The following GATAD2B variants were observed in gnomAD, a reference collection of about 807,000 sequenced individuals.
The protein encoded by GATAD2B is GATA zinc finger domain containing 2B, also known as transcriptional repressor p66-beta.
Under a neutral mutation model 64.3 loss-of-function variants are expected in GATAD2B, and 8 were observed. That is an observed-to-expected ratio of 0.12 (90% CI 0.07 to 0.22). The LOEUF (loss-of-function observed/expected upper bound fraction) is 0.22, where lower values mean the gene tolerates loss of function less well. GATAD2B is among the 10% of genes least tolerant of loss of function. The probability of loss-of-function intolerance (pLI) is 1.00; values close to 1 mark genes in which losing one functional copy is unlikely to be tolerated. For synonymous variants in GATAD2B, 281 were observed against 271.3 expected (o/e 1.04, Z -0.35); for missense variants, 453 against 752.0 (o/e 0.60, Z 4.65).
chr1:153,809,034 T>C lies in GATAD2B; in HGVS notation c.*1143A>G, dbSNP rs1378937409. 6.6e-6 allele frequency: 1 copy of C among 152,136 alleles called. No homozygotes were observed. Among genetic ancestry groups the C allele is most frequent in the Non-Finnish European group, 1.5e-5 (1 of 68,026 alleles). 9.4% of individuals were successfully genotyped at this position (152,136 alleles called of 1,614,324 possible). A position where few individuals can be genotyped will look rare whatever the true frequency, so the allele number is the denominator to read the frequency against. ...CAGAGGGTGAAAGAATAGGCAAATA[T>C]GCGAATCTCAACTGTTGGAAGAGAA... On this transcript the variant is annotated 3_prime_UTR_variant, in exon 11 of 11. Transcript: ENST00000368655.
At position 153,828,323 on chromosome 1, in the gene GATAD2B, G is replaced by A. The variant is rs1370837059; in HGVS notation, c.25C>T (p.Leu9Phe). 2 of 1,610,850 alleles carry A rather than the reference G, an allele frequency of 1.2e-6. No homozygotes were observed. Among genetic ancestry groups the A allele is most frequent in the African/African-American group, 2.7e-5 (2 of 74,928 alleles). The change falls in exon 2 of 11, where the codon CTT becomes TTT. Residue 9 changes from leucine (L) to phenylalanine (F), a missense_variant. Leu to Phe is a conservative substitution (Grantham distance 22). This residue lies in a region of GATAD2B where 293 missense variants were observed against 417.2 expected (regional missense o/e 0.70). Coordinates refer to ENST00000368655, the MANE Select transcript of GATAD2B (RefSeq NM_020699.4). The stretch of plus-strand genomic sequence containing the variant: ...CTCCGCTTCAACAGATTCAAGCGAA[G>A]AGCATCTTCTGTCATTCTATCCATC... MDRMTEDA[L>F]RLNLLKRSLD... is the part of the protein sequence containing the mutation.
intron 2 of GATAD2B, among the ~76,000 whole-genome samples, chr1:153,821,166 A>T (rs1674671846): frequency 6.6e-6 from 1 of 151,254 alleles, no homozygotes; most frequent in African/African-American, 2.4e-5. Flanking sequence ...TTTTTTTGTA[A>T]GGGGTGGGGG....
chr1:153,850,933 GTTTT>G (rs552346925), intron 1 of GATAD2B, among the ~76,000 whole-genome samples: 9 of 150,340 alleles, frequency 6.0e-5, no homozygotes, highest in African/African-American at 1.2e-4. Context: ...AAAAAAAAAA[GTTTT>G]TTTTTGTTTT....
intron 2 of GATAD2B, among the ~76,000 whole-genome samples, chr1:153,823,776 G>A (rs575125640): frequency 6.6e-6 from 1 of 151,550 alleles, no homozygotes; most frequent in Non-Finnish European, 1.5e-5. Flanking sequence ...TGTCACCCAG[G>A]CTGGAGTGCA....
chr1:153,874,172 G>A (rs1382999997), intron 1 of GATAD2B, among the ~76,000 whole-genome samples: 1 of 151,570 alleles, frequency 6.6e-6, no homozygotes, highest in Non-Finnish European at 1.5e-5. Flanking sequence ...TGAGGCAGGA[G>A]AATCGCTTGA....
chr1:153,905,553 GAAAAAAAAAAAAAA>G (rs769120730), intron 1 of GATAD2B, among the ~76,000 whole-genome samples: 1 of 64,670 alleles, frequency 1.5e-5, no homozygotes, highest in East Asian at 4.6e-4. Flanking sequence ...AACAATTTTG[GAAAAAAAAAAAAAA>G]AAAAAAAAGA....
At chr1:153,890,758 C>A (rs987389192) in intron 1 of GATAD2B, 3 of 152,204 alleles carry the variant, frequency 2.0e-5, no homozygotes, top group Non-Finnish European at 4.4e-5. Context: ...ATTACAGTGA[C>A]AATAACTGTA....
At chr1:153,922,499 TGAA>T (rs1274376907) in intron 1 of GATAD2B, among the ~76,000 whole-genome samples, 5 of 102,146 alleles carry the variant, frequency 4.9e-5, no homozygotes, top group East Asian at 3.5e-4. Flanking sequence ...GAGGATGAGG[TGAA>T]GAAGGAGCGC....
At chr1:153,891,326 G>C (rs1350570655) in intron 1 of GATAD2B, among the ~76,000 whole-genome samples, 1 of 151,770 alleles carries the variant, frequency 6.6e-6, no homozygotes, top group African/African-American at 2.4e-5. Flanking sequence ...CCAGCATTTT[G>C]GGAGGCCAAG....
At chr1:153,909,794 A>AC (rs1306062111) in intron 1 of GATAD2B, among the ~76,000 whole-genome samples, 1 of 151,202 alleles carries the variant, frequency 6.6e-6, no homozygotes, top group East Asian at 1.9e-4. Flanking sequence ...AAAAAAAAAA[A>AC]AAAATTAGCT....
intron 1 of GATAD2B, among the ~76,000 whole-genome samples, chr1:153,917,207 T>TC (rs1206464203): frequency 1.4e-5 from 2 of 147,120 alleles, no homozygotes; most frequent in African/African-American, 2.5e-5. Flanking sequence ...CAAGCAATTC[T>TC]CTGCCTCAGC....
intron 10 of GATAD2B, 199 bp downstream of exon 10, chr1:153,811,532 C>A (rs1674292693): frequency 3.1e-6 from 2 of 647,790 alleles, no homozygotes; most frequent in Non-Finnish European, 2.7e-6. Flanking sequence ...GTCATTTTCA[C>A]CACCAAAACC....
chr1:153,862,758 CTT>C (rs1676354072), intron 1 of GATAD2B, among the ~76,000 whole-genome samples: 1 of 126,726 alleles, frequency 7.9e-6, no homozygotes, highest in Non-Finnish European at 1.6e-5. Flanking sequence ...GAGTTTTGCT[CTT>C]GTTGCCCAGG....
At chr1:153,837,951 T>C (rs1006992225) in intron 1 of GATAD2B, among the ~76,000 whole-genome samples, 3 of 152,234 alleles carry the variant, frequency 2.0e-5, no homozygotes, top group African/African-American at 7.2e-5. Context: ...AAACATGCTA[T>C]TGGACACTTT....
intron 1 of GATAD2B, among the ~76,000 whole-genome samples, chr1:153,908,688 G>C (rs1678022339): frequency 6.8e-6 from 1 of 146,644 alleles, no homozygotes; most frequent in Non-Finnish European, 1.5e-5. Context: ...GGCTGGTCTT[G>C]AACTCCTGAC....
At chr1:153,857,494 G>C (rs1001804005) in intron 1 of GATAD2B, among the ~76,000 whole-genome samples, 2 of 152,136 alleles carry the variant, frequency 1.3e-5, no homozygotes, top group African/African-American at 4.8e-5. Context: ...TCCCTTCATA[G>C]AAAACGGATG....
chr1:153,829,079 C>T (rs1438888883), intron 1 of GATAD2B, among the ~76,000 whole-genome samples: 7 of 152,116 alleles, frequency 4.6e-5, no homozygotes, highest in Admixed American at 2.0e-4. Flanking sequence ...GTGGCACATG[C>T]CTGTAGTCCC....
intron 1 of GATAD2B, among the ~76,000 whole-genome samples, chr1:153,883,722 A>G (rs1176154443): frequency 1.4e-5 from 2 of 143,626 alleles, no homozygotes; most frequent in African/African-American, 5.2e-5. Context: ...TTTCTTTTTT[A>G]TCAGTTTTTA....
intron 1 of GATAD2B, among the ~76,000 whole-genome samples, chr1:153,896,029 G>C (rs529802522): frequency 4.2e-4 from 63 of 151,156 alleles, no homozygotes; most frequent in African/African-American, 1.5e-3. Flanking sequence ...TAGGTGCTGT[G>C]GCATGCGCCT....
Sources: gnomAD v4.1 joint callset for allele counts (sites outside exome capture counted in the v4.1 genomes callset) on GRCh38, gnomAD v4.1.1 for gene constraint, gnomAD v4.1.1 regional missense constraint, MANE v1.5 for transcripts, NCBI Gene and HGNC (gene_info 2026-07-23, HGNC 2026-07-21) for gene names.